SFMBT2: variants seen among roughly 807,000 people sequenced by gnomAD.
SFMBT2 encodes Scm like with four mbt domains 2, also known as scm-like with four MBT domains protein 2.
A neutral mutation model predicts 110.1 loss-of-function variants in SFMBT2; 38 were observed. The ratio of observed to expected loss-of-function variants is 0.35; its 90% CI spans 0.27 to 0.45. The LOEUF (loss-of-function observed/expected upper bound fraction) is 0.45, where lower values mean the gene tolerates loss of function less well. SFMBT2 is among the 20% of genes least tolerant of loss of function. The probability of loss-of-function intolerance (pLI) is 1.00; values close to 1 mark genes in which losing one functional copy is unlikely to be tolerated. For missense variants in SFMBT2, 1,011 were observed against 1,094.9 expected (o/e 0.92, Z 1.08); for synonymous variants, 425 against 425.4 (o/e 1.00, Z 0.01).
intron 1 of SFMBT2, among the ~76,000 whole-genome samples, chr10:7,388,490 T>C (rs902927046): frequency 2.7e-5 from 4 of 150,694 alleles, no homozygotes; most frequent in Admixed American, 6.6e-5. Flanking sequence ...CCCGAGTAGC[T>C]GGGATTACAG....
intron 7 of SFMBT2, among the ~76,000 whole-genome samples, chr10:7,271,658 A>G (rs1242929469): frequency 6.6e-6 from 1 of 152,224 alleles, no homozygotes; most frequent in Non-Finnish European, 1.5e-5. Context: ...ATAGGTATGC[A>G]TTAGTCCATT....
intron 10 of SFMBT2, among the ~76,000 whole-genome samples, chr10:7,224,075 T>C (rs1839829688): frequency 6.6e-6 from 1 of 152,224 alleles, no homozygotes; most frequent in African/African-American, 2.4e-5. Context: ...CATTTCTTCT[T>C]TTCTATTGGG....
chr10:7,364,785 C>A (rs938415178), intron 4 of SFMBT2, among the ~76,000 whole-genome samples: 1 of 152,204 alleles, frequency 6.6e-6, no homozygotes, highest in African/African-American at 2.4e-5. Flanking sequence ...CAAGTGTGTA[C>A]ACGGCCCCCG....
chr10:7,207,704 T>C (rs938623070), intron 11 of SFMBT2: 70 of 704,110 alleles, frequency 9.9e-5, no homozygotes, highest in Non-Finnish European at 1.2e-4. Context: ...AAAATGGTCC[T>C]AAATCTGGTG....
intron 7 of SFMBT2, among the ~76,000 whole-genome samples, chr10:7,260,123 G>A (rs1375422974): frequency 6.6e-6 from 1 of 152,158 alleles, no homozygotes; most frequent in African/African-American, 2.4e-5. Flanking sequence ...TACCACTATG[G>A]CAGCAATGGG....
At chr10:7,192,210 C>T (rs1838621674) in intron 15 of SFMBT2, among the ~76,000 whole-genome samples, 1 of 152,198 alleles carries the variant, frequency 6.6e-6, no homozygotes, top group African/African-American at 2.4e-5. Context: ...AAACACAGCA[C>T]AGTATCTTCA....
At chr10:7,373,722 T>C (rs1845122966) in intron 2 of SFMBT2, among the ~76,000 whole-genome samples, 1 of 151,832 alleles carries the variant, frequency 6.6e-6, no homozygotes, top group Admixed American at 6.6e-5. Context: ...CCTGAAACAG[T>C]CTACAGCCAA....
chr10:7,168,662 C>A (rs1837774743), intron 20 of SFMBT2, among the ~76,000 whole-genome samples: 1 of 152,254 alleles, frequency 6.6e-6, no homozygotes, highest in African/African-American at 2.4e-5. Context: ...GCCAGACAGG[C>A]AACGTGCTGT....
Position 7,277,420 on chromosome 10 carries a change from G to T in SFMBT2, c.773-431C>A, listed in dbSNP as rs560143443. 87 of 244,124 alleles carry T rather than the reference G, an allele frequency of 3.6e-4. No homozygotes were observed. In the South Asian group the frequency reaches 6.2e-3, roughly 18 times the overall value. 15.1% of individuals were successfully genotyped at this position (244,124 alleles called of 1,614,324 possible). A position where few individuals can be genotyped will look rare whatever the true frequency, so the allele number is the denominator to read the frequency against. ...ACTCTAGTCTGGCATTTGCAGTTAT[G>T]ACAACATATTTTCACTAAATCTCTA... On this transcript the variant is annotated intron_variant, in intron 6 of 20. Coordinates refer to ENST00000397167, the MANE Select transcript of SFMBT2 (RefSeq NM_001387889.1).
chr10:7,321,023 G>A (rs1843170227), intron 4 of SFMBT2, among the ~76,000 whole-genome samples: 1 of 152,146 alleles, frequency 6.6e-6, no homozygotes, highest in African/African-American at 2.4e-5. Flanking sequence ...GACCCAGCAT[G>A]TGTTATTTTT....
intron 4 of SFMBT2, among the ~76,000 whole-genome samples, chr10:7,302,557 C>T (rs1416156678): frequency 2.0e-4 from 31 of 152,290 alleles, no homozygotes; most frequent in Non-Finnish European, 4.4e-5. Flanking sequence ...ATTCTGTAAG[C>T]AGAGATGCAT....
At chr10:7,338,814 A>G (rs563773063) in intron 4 of SFMBT2, among the ~76,000 whole-genome samples, 1 of 152,302 alleles carries the variant, frequency 6.6e-6, no homozygotes, top group Admixed American at 6.5e-5. Flanking sequence ...ATCCTCCCTA[A>G]GTCAGTCCTG....
At chr10:7,378,833 T>C (rs1456432505) in intron 2 of SFMBT2, among the ~76,000 whole-genome samples, 2 of 151,426 alleles carry the variant, frequency 1.3e-5, no homozygotes, top group Non-Finnish European at 2.9e-5. Context: ...TGTGAGTGTA[T>C]GGATGGGTGG....
intron 4 of SFMBT2, chr10:7,292,120 T>C (rs1031973086): frequency 6.3e-6 from 1 of 157,750 alleles, no homozygotes; most frequent in African/African-American, 2.4e-5. Flanking sequence ...TTTAATGGGG[T>C]CTCTGGAGGA....
chr10:7,350,265 TG>T (rs1428934796), intron 4 of SFMBT2, among the ~76,000 whole-genome samples: 1 of 152,140 alleles, frequency 6.6e-6, no homozygotes, highest in Non-Finnish European at 1.5e-5. Context: ...TTGTCTGTTC[TG>T]GCCAGTCCCA....
chr10:7,276,769 G>T, intron 7 of SFMBT2, 123 bp downstream of exon 7: 1 of 664,330 alleles, frequency 1.5e-6, no homozygotes, highest in Non-Finnish European at 2.7e-6. Flanking sequence ...GTCGTGATCC[G>T]CCCACCTCAG....
chr10:7,385,822 A>AC (rs1164300219), intron 1 of SFMBT2, among the ~76,000 whole-genome samples: 1 of 151,974 alleles, frequency 6.6e-6, no homozygotes. Flanking sequence ...ACACGGTGAA[A>AC]CCCCGTCTCT....
At chr10:7,287,399 A>C (rs1243401230) in intron 4 of SFMBT2, 4 of 244,070 alleles carry the variant, frequency 1.6e-5, no homozygotes, top group African/African-American at 9.2e-5. Context: ...TTGAAAAAGA[A>C]GTATCAGACT....
rs1281569319 is a variant in SFMBT2, at chr10:7,265,142, C to T, written c.870+11750G>A. Reference sequence around the variant, plus strand: ...TCTTTTTTAATGCTGAGATCTCCCTCCCTCCCTCCTTCCCTCCCTCCCTCC... The same window carrying T: ...TCTTTTTTAATGCTGAGATCTCCCTTCCTCCCTCCTTCCCTCCCTCCCTCC... On this transcript the variant is annotated intron_variant, in intron 7 of 20. Coordinates refer to ENST00000397167, the MANE Select transcript of SFMBT2 (RefSeq NM_001387889.1). Among the ~76,000 whole-genome samples the T allele has an allele frequency of 3.9e-4, 4 of 10,368 alleles. No homozygotes were observed. The Admixed American group carries it at 4.1e-3, about 11-fold the overall frequency. 6.8% of individuals were successfully genotyped at this position (10,368 alleles called of 152,430 possible).
Sources: allele counts gnomAD v4.1 joint callset (sites outside exome capture counted in the v4.1 genomes callset), GRCh38; gene constraint gnomAD v4.1.1; transcripts MANE v1.5; gene names NCBI Gene and HGNC (gene_info 2026-07-23, HGNC 2026-07-21).